The following LRRFIP2 variants were observed in gnomAD, a reference collection of about 807,000 sequenced individuals.
The protein encoded by LRRFIP2 is leucine-rich repeat flightless-interacting protein 2.
In LRRFIP2, 109 loss-of-function variants were observed where a neutral mutation model predicts 125.9. The ratio of observed to expected loss-of-function variants is 0.87; its 90% confidence interval spans 0.74 to 1.01. The LOEUF (loss-of-function observed/expected upper bound fraction) is 1.01. Among genes scored for constraint, LRRFIP2 ranks in the 50% least tolerant of loss-of-function variants. The probability of loss-of-function intolerance (pLI) is 0.00; values close to 1 mark genes in which losing one functional copy is unlikely to be tolerated. For synonymous variants in LRRFIP2, 291 were observed against 293.1 expected, an observed-to-expected ratio of 0.99 and a Z score of 0.07; for missense variants, 850 against 862.3, an observed-to-expected ratio of 0.99 and a Z score of 0.18.
At chr3:37,169,962 T>C (rs572678620) in intron 1 of LRRFIP2, among the ~76,000 whole-genome samples, 1 of 152,276 alleles carries the variant, frequency 6.6e-6, no homozygotes, top group South Asian at 2.1e-4. Context: ...TTCTTTTTTT[T>C]CCCGAGGAGG....
Position 37,083,735 on chromosome 3 carries a change from C to G in LRRFIP2, c.1179G>C (p.Lys393Asn), listed in dbSNP as rs147614401. 4.4e-6 allele frequency: 7 copies of G among 1,602,222 alleles called. No individual in the cohort carries two copies. The Admixed American group carries it at 1.2e-4, about 28-fold the overall frequency. ...MVSNAQLDNE[K>N]NNLIYQVDTL... ...TGTCTACTTGGTAGATCAAATTGTT[C>G]TTCTCATTGTCTAACTGTGCATTGG... Residue 393 changes from lysine to asparagine, a missense_variant, in exon 19 of 28, where the codon AAG (lysine) becomes AAC (asparagine). By Grantham distance (94) the Lys-to-Asn change is moderately conservative (BLOSUM62 0). Transcript: ENST00000336686.
intron 23 of LRRFIP2, 44 bp from the exon 24 acceptor site, chr3:37,063,835 T>C (rs775531119): frequency 3.5e-6 from 5 of 1,437,690 alleles, no homozygotes; most frequent in Admixed American, 1.7e-5. Context: ...TGTGATGATA[T>C]AGTACATAAA....
At chr3:37,161,402 T>C (rs948186875) in intron 1 of LRRFIP2, among the ~76,000 whole-genome samples, 2 of 152,040 alleles carry the variant, frequency 1.3e-5, no homozygotes, top group African/African-American at 4.8e-5. Context: ...TCGTGCTACA[T>C]ACAACAAGGT....
At chr3:37,112,860 C>A in intron 8 of LRRFIP2, 55 bp downstream of exon 8, 1 of 996,282 alleles carries the variant, frequency 1.0e-6, no homozygotes, top group Non-Finnish European at 1.5e-6. Context: ...AATCATAATC[C>A]TTAAGTTCCT....
intron 20 of LRRFIP2, among the ~76,000 whole-genome samples, chr3:37,074,407 T>C (rs1348458851): frequency 2.0e-5 from 3 of 152,116 alleles, no homozygotes; most frequent in African/African-American, 7.2e-5. Context: ...AAACATCGTC[T>C]CAGGAGGGAA....
At chr3:37,110,246 T>C (rs956195372) in intron 9 of LRRFIP2, among the ~76,000 whole-genome samples, 2 of 152,234 alleles carry the variant, frequency 1.3e-5, no homozygotes, top group Non-Finnish European at 1.5e-5. Flanking sequence ...TTGAATTAGA[T>C]AAATTGTACT....
At chr3:37,097,555 T>C (rs549537223) in intron 15 of LRRFIP2, among the ~76,000 whole-genome samples, 3 of 152,302 alleles carry the variant, frequency 2.0e-5, no homozygotes, top group African/African-American at 7.2e-5. Flanking sequence ...ATTTGTTGGA[T>C]GAATGAATAA....
intron 1 of LRRFIP2, among the ~76,000 whole-genome samples, chr3:37,159,989 CAAAAAAAAAAAAAAAAAAAAAA>C (rs58005486): frequency 2.1e-5 from 1 of 46,940 alleles, no homozygotes; most frequent in Non-Finnish European, 3.7e-5. Context: ...GCCCTATGCG[CAAAAAAAAAAAAAAAAAAAAAA>C]AAAAAAAAAT....
At chr3:37,098,267 A>G (rs748475888) in intron 15 of LRRFIP2, among the ~76,000 whole-genome samples, 20 of 151,200 alleles carry the variant, frequency 1.3e-4, no homozygotes, top group Admixed American at 1.3e-4. Flanking sequence ...AGGTAATGAC[A>G]GCGATTGAAA....
intron 7 of LRRFIP2, 91 bp downstream of exon 7, chr3:37,114,963 G>C: frequency 9.9e-7 from 1 of 1,013,962 alleles, no homozygotes; most frequent in Non-Finnish European, 1.5e-6. Flanking sequence ...TCATAACAAA[G>C]CCATGAAAGT....
intron 13 of LRRFIP2, among the ~76,000 whole-genome samples, chr3:37,106,159 C>T (rs1373147361): frequency 2.6e-5 from 4 of 152,142 alleles, no homozygotes; most frequent in Non-Finnish European, 5.9e-5. Context: ...GGGATCCCAT[C>T]AGGGGTCAAC....
chr3:37,068,139 TAACTG>T (rs2090493745), intron 21 of LRRFIP2: 1 of 152,226 alleles, frequency 6.6e-6, no homozygotes. Context: ...TAATTAATAA[TAACTG>T]AAACATTGGG....
Position 37,129,127 on chromosome 3 carries a change from T to C in LRRFIP2, c.113A>G (p.Lys38Arg). The C allele has an allele frequency of 6.2e-7, 1 of 1,614,042 alleles. No individual in the cohort carries two copies. Among genetic ancestry groups the C allele is most frequent in the Non-Finnish European group, 8.5e-7 (1 of 1,180,012 alleles). The change falls in exon 3 of 28, where the codon AAA becomes AGA. Residue 38 changes from lysine to arginine, a missense_variant. Coordinates refer to ENST00000336686, the MANE Select transcript of LRRFIP2 (RefSeq NM_006309.4). ...TCTTGCTTCTGCCCGGGCAGCCCGT[T>C]TTGCTGCCAGCCTTGCCTCTGCCTG... The part of the protein sequence containing the change: ...AREAEARLAA[K>R]RAARAEARDI...
intron 2 of LRRFIP2, among the ~76,000 whole-genome samples, chr3:37,146,265 G>A (rs148500713): frequency 2.6e-5 from 4 of 152,166 alleles, no homozygotes; most frequent in East Asian, 1.9e-4. Context: ...CTGTAGAGTC[G>A]TATCTACGTT....
At chr3:37,161,965 T>C (rs2096357898) in intron 1 of LRRFIP2, among the ~76,000 whole-genome samples, 1 of 151,698 alleles carries the variant, frequency 6.6e-6, no homozygotes, top group African/African-American at 2.4e-5. Context: ...GGTGGATCCC[T>C]TGAGCTCAGG....
chr3:37,097,212 AT>A (rs1372887961), intron 15 of LRRFIP2, among the ~76,000 whole-genome samples: 1 of 151,572 alleles, frequency 6.6e-6, no homozygotes, highest in Non-Finnish European at 1.5e-5. Context: ...AAAAAAAAAA[AT>A]CAAACAGCAC....
chr3:37,133,138 T>A (rs1325229845), intron 2 of LRRFIP2, among the ~76,000 whole-genome samples: 1 of 152,148 alleles, frequency 6.6e-6, no homozygotes, highest in Non-Finnish European at 1.5e-5. Context: ...GGCATGAGAA[T>A]CACTTGAACC....
chr3:37,121,279 ATAGAT>A (rs370773810), intron 6 of LRRFIP2, among the ~76,000 whole-genome samples: 19 of 152,364 alleles, frequency 1.2e-4, no homozygotes, highest in Middle Eastern at 3.4e-3. Flanking sequence ...ACCCATGTTA[ATAGAT>A]TAAAGTATTC....
chr3:37,115,011 A>T (rs775107921), intron 7 of LRRFIP2, 43 bp downstream of exon 7: 1 of 1,438,270 alleles, frequency 7.0e-7, no homozygotes, highest in Admixed American at 1.7e-5. Flanking sequence ...AGATGTTTAT[A>T]AAGTAAAATT....
Sources: allele counts gnomAD v4.1 joint callset (sites outside exome capture counted in the v4.1 genomes callset), GRCh38; gene constraint gnomAD v4.1.1; transcripts MANE v1.5; gene names NCBI Gene and HGNC (gene_info 2026-07-23, HGNC 2026-07-21).